The following SKAP1 variants were observed in gnomAD, a reference collection of about 807,000 sequenced individuals.
SKAP1 encodes the protein src kinase-associated phosphoprotein 1.
In SKAP1, 44 loss-of-function variants were observed where a neutral mutation model predicts 58.5. The ratio of observed to expected loss-of-function variants is 0.75; its 90% CI spans 0.59 to 0.97. The LOEUF (loss-of-function observed/expected upper bound fraction) is 0.97, where lower values mean the gene tolerates loss of function less well. Ranked by LOEUF, SKAP1 falls within the 50% of genes least tolerant of loss-of-function variation. The pLI is 0.00. For missense variants in SKAP1, 390 were observed against 435.2 expected (o/e 0.90, Z 0.92); for synonymous variants, 127 against 149.7 (o/e 0.85, Z 1.11).
intron 9 of SKAP1, among the ~76,000 whole-genome samples, chr17:48,174,835 A>C (rs1316437621): frequency 6.6e-6 from 1 of 152,202 alleles, no homozygotes; most frequent in African/African-American, 2.4e-5. Context: ...TGGGACCCCA[A>C]CCTTACATAG....
chr17:48,319,701 G>A (rs1036194614), intron 4 of SKAP1, among the ~76,000 whole-genome samples: 1 of 152,152 alleles, frequency 6.6e-6, no homozygotes, highest in Non-Finnish European at 1.5e-5. Context: ...AATTAGCTGG[G>A]TGTAGTGGTA....
chr17:48,185,548 C>G (rs2064438045), intron 6 of SKAP1, among the ~76,000 whole-genome samples: 1 of 152,028 alleles, frequency 6.6e-6, no homozygotes, highest in Non-Finnish European at 1.5e-5. Flanking sequence ...GAGGAGGTGA[C>G]TCTCAAGAAT....
upstream of SKAP1, among the ~76,000 whole-genome samples, chr17:48,431,432 G>A (rs1355424638): frequency 6.6e-6 from 1 of 152,260 alleles, no homozygotes; most frequent in Non-Finnish European, 1.5e-5. Context: ...GACTTTCCAG[G>A]TGGAAGGACC....
rs11285092 is a variant in SKAP1 at position 48,382,181 on chromosome 17, TAA to T, written c.152+14497_152+14498del. ...GAATGTTAGCTGTGACTATTATTCTTAAAAAAAAAAAAAAACCCACATGGGGG... is the reference window on the plus strand; with the variant it reads ...GAATGTTAGCTGTGACTATTATTCTTAAAAAAAAAAAAACCCACATGGGGG... On this transcript the variant is annotated intron_variant, in intron 2 of 12. Coordinates refer to ENST00000336915, the MANE Select transcript of SKAP1 (RefSeq NM_003726.4). 4.0e-3 allele frequency among the ~76,000 whole-genome samples: 549 copies of T among 137,556 alleles called. 2 individuals carry two copies. The highest frequency in any genetic ancestry group is 0.013 in the African/African-American group (476 of 37,438). 90.2% of individuals were successfully genotyped at this position (137,556 alleles called of 152,430 possible).
chr17:48,395,923 CAACCAT>C (rs2144529450), intron 2 of SKAP1, among the ~76,000 whole-genome samples: 1 of 152,236 alleles, frequency 6.6e-6, no homozygotes, highest in East Asian at 1.9e-4. Flanking sequence ...AATTAAATCC[CAACCAT>C]AACCCTGCAG....
intron 4 of SKAP1, among the ~76,000 whole-genome samples, chr17:48,196,086 C>A (rs1054113217): frequency 1.3e-5 from 2 of 152,214 alleles, no homozygotes; most frequent in East Asian, 3.8e-4. Context: ...CCCTATGAGG[C>A]ATGTTTTATT....
At chr17:48,263,220 C>T (rs2065503021) in intron 4 of SKAP1, among the ~76,000 whole-genome samples, 1 of 152,072 alleles carries the variant, frequency 6.6e-6, no homozygotes, top group Non-Finnish European at 1.5e-5. Context: ...AAATAGGGTA[C>T]AAGAAATACT....
intron 4 of SKAP1, among the ~76,000 whole-genome samples, chr17:48,249,922 A>G (rs1231520121): frequency 2.6e-5 from 4 of 151,824 alleles, no homozygotes; most frequent in Non-Finnish European, 1.5e-5. Context: ...GATCTGTTAC[A>G]GCTCAGAAGG....
the SKAP1 span, among the ~76,000 whole-genome samples, chr17:48,441,121 A>AAACC: frequency 2.0e-5 from 3 of 152,186 alleles, no homozygotes; most frequent in African/African-American, 7.2e-5. Context: ...ACAAAAACAA[A>AAACC]AACCAAACAA....
At chr17:48,390,948 G>T (rs1030644259) in intron 2 of SKAP1, among the ~76,000 whole-genome samples, 1 of 152,000 alleles carries the variant, frequency 6.6e-6, no homozygotes, top group African/African-American at 2.4e-5. Context: ...GGTGGTGCAC[G>T]CCTGTAGTCC....
intron 11 of SKAP1, among the ~76,000 whole-genome samples, chr17:48,138,910 A>G (rs1392265671): frequency 6.6e-6 from 1 of 150,454 alleles, no homozygotes; most frequent in Non-Finnish European, 1.5e-5. Context: ...TTTTTTTGAG[A>G]CAGAGTCTCA....
intron 11 of SKAP1, among the ~76,000 whole-genome samples, chr17:48,144,120 G>A (rs1418368590): frequency 6.6e-6 from 1 of 152,152 alleles, no homozygotes; most frequent in Non-Finnish European, 1.5e-5. Context: ...AAAAGAGCAG[G>A]CAGAAGTGTA....
At chr17:48,406,284 AAAC>A (rs1460861584) in intron 1 of SKAP1, among the ~76,000 whole-genome samples, 1 of 151,980 alleles carries the variant, frequency 6.6e-6, no homozygotes, top group Non-Finnish European at 1.5e-5. Context: ...ACAAACAAAA[AAAC>A]AACAACAAAA....
the SKAP1 span, among the ~76,000 whole-genome samples, chr17:48,440,097 T>C: frequency 6.6e-6 from 1 of 152,176 alleles, no homozygotes; most frequent in Admixed American, 6.5e-5. Context: ...CCTGCGACTT[T>C]GCCTTTAAAT....
chr17:48,331,225 T>A (rs1024737032), intron 4 of SKAP1, among the ~76,000 whole-genome samples: 2 of 152,196 alleles, frequency 1.3e-5, no homozygotes, highest in African/African-American at 2.4e-5. Context: ...GAACACAGAA[T>A]CTTAGTGAGT....
At chr17:48,417,808 T>A (rs892265174) in intron 1 of SKAP1, among the ~76,000 whole-genome samples, 7 of 151,350 alleles carry the variant, frequency 4.6e-5, no homozygotes, top group Admixed American at 3.3e-4. Context: ...CAGATAAAGA[T>A]GTTTTCTACA....
rs967135843 is a variant in SKAP1 at position 48,289,336 on chromosome 17, C to A, written c.280+56569G>T. On this transcript the variant is annotated intron_variant, in intron 4 of 12. Coordinates refer to ENST00000336915, the MANE Select transcript of SKAP1 (RefSeq NM_003726.4). Reference sequence around the variant, plus strand: ...TATTTGGCATGTCATTAAAAAAATTCCTGCCTACTTTTTAAAAAAAAATTT... The same window carrying A: ...TATTTGGCATGTCATTAAAAAAATTACTGCCTACTTTTTAAAAAAAAATTT... Among the ~76,000 whole-genome samples the A allele has an allele frequency of 4.1e-4, 62 of 151,952 alleles. 1 individual carries two copies. Among genetic ancestry groups the A allele is most frequent in the African/African-American group, 1.5e-3 (62 of 41,448 alleles).
At chr17:48,202,247 AAG>A (rs1567818645) in intron 4 of SKAP1, among the ~76,000 whole-genome samples, 1 of 152,224 alleles carries the variant, frequency 6.6e-6, no homozygotes, top group East Asian at 1.9e-4. Flanking sequence ...AAGACAAAAG[AAG>A]ACTCAGGAAC....
chr17:48,188,707 A>G (rs75443721), intron 5 of SKAP1, among the ~76,000 whole-genome samples: 3 of 147,884 alleles, frequency 2.0e-5, no homozygotes, highest in African/African-American at 7.5e-5. Flanking sequence ...AGAAAGAAAG[A>G]AAAAAAAAAG....
Sources: allele counts gnomAD v4.1 joint callset (sites outside exome capture counted in the v4.1 genomes callset), GRCh38; gene constraint gnomAD v4.1.1; transcripts MANE v1.5; gene names NCBI Gene and HGNC (gene_info 2026-07-23, HGNC 2026-07-21).